KLF12: variants seen among roughly 807,000 people sequenced by gnomAD.
KLF12 encodes the protein KLF transcription factor 12.
Under a neutral mutation model 37.8 loss-of-function variants are expected in KLF12, and 9 were observed. That is an observed-to-expected ratio of 0.24 (90% CI 0.14 to 0.42). KLF12 has a LOEUF of 0.42. Among genes scored for constraint, KLF12 ranks in the 10% least tolerant of loss-of-function variants. The pLI is 1.00. For synonymous variants in KLF12, 208 were observed against 202.1 expected, an observed-to-expected ratio of 1.03 and a Z score of -0.25; for missense variants, 411 against 516.0, an observed-to-expected ratio of 0.80 and a Z score of 1.97.
the KLF12 span, among the ~76,000 whole-genome samples, chr13:74,167,541 T>C: frequency 3.9e-5 from 6 of 152,326 alleles, no homozygotes; most frequent in South Asian, 1.2e-3. Flanking sequence ...CAAAGTGAAA[T>C]GAAACGTTAG....
At chr13:74,301,700 A>G in the KLF12 span, among the ~76,000 whole-genome samples, 1 of 152,172 alleles carries the variant, frequency 6.6e-6, no homozygotes, top group Non-Finnish European at 1.5e-5. Flanking sequence ...TTGTTTTCAC[A>G]AAACCCAGTT....
At chr13:73,882,376 G>A (rs1165278069) in intron 3 of KLF12, among the ~76,000 whole-genome samples, 1 of 152,106 alleles carries the variant, frequency 6.6e-6, no homozygotes, top group Non-Finnish European at 1.5e-5. Context: ...AGAGACAGAC[G>A]TGGAATATAC....
At chr13:73,923,093 T>A (rs1007591886) in intron 3 of KLF12, among the ~76,000 whole-genome samples, 2 of 152,240 alleles carry the variant, frequency 1.3e-5, no homozygotes, top group Non-Finnish European at 2.9e-5. Context: ...ATGGCACTTA[T>A]AACATCAATA....
the KLF12 span, among the ~76,000 whole-genome samples, chr13:74,201,570 C>A: frequency 2.6e-5 from 4 of 152,122 alleles, no homozygotes; most frequent in African/African-American, 9.7e-5. Context: ...ATCCTTCTTT[C>A]CCCATACTCT....
rs577177260 is a variant in KLF12 at position 74,052,583 on chromosome 13, C to A, written c.-31-57530G>T. Among the ~76,000 whole-genome samples the A allele has an allele frequency of 3.3e-5, 5 of 152,222 alleles. No homozygotes were observed. In the South Asian group the frequency reaches 8.3e-4, roughly 25 times the overall value. ...AGCGCCACACTCCACCATCATGTGG[C>A]GGCCAGATCACATGACACATGATTC... is the stretch of plus-strand genomic sequence containing the variant. On this transcript the variant is annotated intron_variant, in intron 1 of 7. Transcript: ENST00000377669.
rs1253722119 is a variant in KLF12 at position 73,868,339 on chromosome 13, G to GGT, written c.124-21967_124-21966insAC. Reference sequence around the variant, plus strand: ...AAGGCGGGGGCGGTGGGGGGGGGGGGTGATTTCAGTACAAAGCCTACAGAC... The same window carrying GGT: ...AAGGCGGGGGCGGTGGGGGGGGGGGGGTTGATTTCAGTACAAAGCCTACAGAC... On this transcript the variant is annotated intron_variant, in intron 3 of 7. Coordinates refer to ENST00000377669, the MANE Select transcript of KLF12 (RefSeq NM_007249.5). Among the ~76,000 whole-genome samples, 5 of 121,078 alleles carry GGT rather than the reference G, an allele frequency of 4.1e-5. No homozygotes were observed. The East Asian group carries it at 1.5e-3, about 37-fold the overall frequency. The allele number at this position is 121,078 out of a possible 152,430, so 79.4% of individuals were successfully genotyped here.
chr13:73,986,672 G>A (rs559979384), intron 2 of KLF12, among the ~76,000 whole-genome samples: 1 of 152,148 alleles, frequency 6.6e-6, no homozygotes, highest in Non-Finnish European at 1.5e-5. Flanking sequence ...GGATTATCTA[G>A]GATAGGCCAA....
At chr13:73,845,741 T>C in intron 4 of KLF12, 86 bp downstream of exon 4, 1 of 1,211,544 alleles carries the variant, frequency 8.3e-7, no homozygotes, top group Non-Finnish European at 1.2e-6. Flanking sequence ...AGATGTAGTG[T>C]TTGTATACAA....
chr13:74,262,682 C>T, the KLF12 span, among the ~76,000 whole-genome samples: 1 of 152,126 alleles, frequency 6.6e-6, no homozygotes, highest in Non-Finnish European at 1.5e-5. Context: ...TTTTGATCCA[C>T]AGTTGGTTCA....
the KLF12 span, among the ~76,000 whole-genome samples, chr13:74,190,857 T>C: frequency 6.6e-6 from 1 of 152,200 alleles, no homozygotes; most frequent in Non-Finnish European, 1.5e-5. Flanking sequence ...CCATATCAAC[T>C]CTTTCTTCTC....
At chr13:73,817,895 TG>T (rs1179677280) in intron 4 of KLF12, among the ~76,000 whole-genome samples, 2 of 152,278 alleles carry the variant, frequency 1.3e-5, no homozygotes, top group South Asian at 2.1e-4. Context: ...CCAATTAAGA[TG>T]TGCAAAATTA....
the KLF12 span, among the ~76,000 whole-genome samples, chr13:74,173,448 A>G: frequency 2.6e-5 from 4 of 152,200 alleles, no homozygotes; most frequent in Non-Finnish European, 5.9e-5. Context: ...CTTATAGAAT[A>G]TTAGTGGAAG....
At chr13:74,217,220 T>C in the KLF12 span, among the ~76,000 whole-genome samples, 1 of 152,140 alleles carries the variant, frequency 6.6e-6, no homozygotes. Context: ...CAGGACACTG[T>C]GTGACATGAA....
intron 1 of KLF12, among the ~76,000 whole-genome samples, chr13:74,098,705 A>G (rs966302358): frequency 2.0e-5 from 3 of 152,264 alleles, no homozygotes; most frequent in African/African-American, 7.2e-5. Context: ...GACAAGAAAG[A>G]ACCATTATAC....
At chr13:73,906,186 C>A (rs1054603686) in intron 3 of KLF12, among the ~76,000 whole-genome samples, 6 of 152,168 alleles carry the variant, frequency 3.9e-5, no homozygotes, top group Admixed American at 2.6e-4. Context: ...GATTTTTTGA[C>A]AGATACTCTA....
At chr13:74,185,214 T>C in the KLF12 span, among the ~76,000 whole-genome samples, 1 of 151,920 alleles carries the variant, frequency 6.6e-6, no homozygotes, top group Non-Finnish European at 1.5e-5. Flanking sequence ...ACAATAAATA[T>C]TTTTTCCTGT....
intron 1 of KLF12, among the ~76,000 whole-genome samples, chr13:74,059,816 T>C (rs530465689): frequency 1.3e-4 from 20 of 152,346 alleles, no homozygotes; most frequent in Admixed American, 1.3e-3. Context: ...TAGTTGCATT[T>C]GCTTTTGGGG....
chr13:74,013,967 C>G (rs1892617717), intron 1 of KLF12, among the ~76,000 whole-genome samples: 1 of 151,946 alleles, frequency 6.6e-6, no homozygotes, highest in Non-Finnish European at 1.5e-5. Flanking sequence ...AGCATGTGTC[C>G]CCACAGCTGG....
intron 1 of KLF12, among the ~76,000 whole-genome samples, chr13:73,995,807 T>C (rs1004923793): frequency 2.0e-5 from 3 of 152,236 alleles, no homozygotes; most frequent in Non-Finnish European, 4.4e-5. Context: ...AGTCTTCCTA[T>C]GTATTCTCTC....
Sources: gnomAD v4.1 joint callset for allele counts (sites outside exome capture counted in the v4.1 genomes callset) on GRCh38, gnomAD v4.1.1 for gene constraint, MANE v1.5 for transcripts, NCBI Gene and HGNC (gene_info 2026-07-23, HGNC 2026-07-21) for gene names.